Variants in CELF2 observed in about 807,000 individuals in gnomAD.
The protein encoded by CELF2 is CUGBP Elav-like family member 2, also known as CUG triplet repeat RNA-binding protein 2.
CELF2 carries 8 observed loss-of-function variants against 62.6 expected under a neutral mutation model. The ratio of observed to expected loss-of-function variants is 0.13; its 90% CI spans 0.07 to 0.23. CELF2 has a LOEUF of 0.23. Ranked by LOEUF, CELF2 falls within the 10% of genes least tolerant of loss-of-function variation. The pLI is 1.00. For missense variants in CELF2, 333 were observed against 671.0 expected (o/e 0.50, Z 5.56); for synonymous variants, 258 against 250.0 (o/e 1.03, Z -0.30).
intron 2 of CELF2, among the ~76,000 whole-genome samples, chr10:10,953,704 ACC>A (rs2048567216): frequency 6.6e-6 from 1 of 152,134 alleles, no homozygotes; most frequent in African/African-American, 2.4e-5. Context: ...CCTTTTTGAA[ACC>A]ATCAGACAAA....
chr10:10,571,770 G>A, the CELF2 span, among the ~76,000 whole-genome samples: 4,063 of 152,262 alleles, frequency 0.027, 177 homozygotes, highest in African/African-American at 0.093. Flanking sequence ...TGGAGTGACC[G>A]TGGGTCATGA....
Position 11,237,775 on chromosome 10 carries a change from G to A in CELF2, c.355-11378G>A, listed in dbSNP as rs112901996. On this transcript the variant is annotated intron_variant, in intron 3 of 12. Coordinates refer to ENST00000633077, the MANE Select transcript of CELF2 (RefSeq NM_001326342.2). The surrounding 1 kb of genome is among the most constrained non-coding windows in gnomAD (Gnocchi z 4.0). ...CACCGAAGGCTGAGGGAGCACTGAG[G>A]CCCCAGGCAGCGTCACGGCCAGAGA... Among the ~76,000 whole-genome samples, 3 of 152,310 alleles carry A rather than the reference G, an allele frequency of 2.0e-5. No individual in the cohort carries two copies. Among genetic ancestry groups the A allele is most frequent in the African/African-American group, 7.2e-5 (3 of 41,562 alleles).
the CELF2 span, among the ~76,000 whole-genome samples, chr10:10,469,993 C>T: frequency 6.6e-6 from 1 of 151,802 alleles, no homozygotes; most frequent in African/African-American, 2.4e-5. Context: ...TTCTTGAGCA[C>T]CCAACATGAT....
At chr10:10,806,266 G>T (rs1462514068) in intron 1 of CELF2, among the ~76,000 whole-genome samples, 3 of 151,046 alleles carry the variant, frequency 2.0e-5, no homozygotes, top group African/African-American at 7.3e-5. Flanking sequence ...GTGCAGTGGC[G>T]TGATCTTGGT....
chr10:11,124,183 C>A (rs1449143886), intron 1 of CELF2, among the ~76,000 whole-genome samples: 1 of 152,146 alleles, frequency 6.6e-6, no homozygotes, highest in Non-Finnish European at 1.5e-5. Flanking sequence ...GGGATCATTA[C>A]AATTCAAGGT....
chr10:10,690,233 C>T, the CELF2 span, among the ~76,000 whole-genome samples: 1 of 152,204 alleles, frequency 6.6e-6, no homozygotes, highest in Admixed American at 6.5e-5. Context: ...CCCTTTGTGA[C>T]TGGTTCATTA....
At chr10:10,628,690 T>C in the CELF2 span, among the ~76,000 whole-genome samples, 9 of 152,192 alleles carry the variant, frequency 5.9e-5, no homozygotes, top group Non-Finnish European at 1.3e-4. Flanking sequence ...CAGTCTATCA[T>C]TGATGGACAT....
At chr10:10,544,749 G>C in the CELF2 span, among the ~76,000 whole-genome samples, 1 of 152,142 alleles carries the variant, frequency 6.6e-6, no homozygotes, top group Non-Finnish European at 1.5e-5. Context: ...AGATAAGACA[G>C]AATAGCATTT....
intron 1 of CELF2, among the ~76,000 whole-genome samples, chr10:11,022,185 GTTCT>G (rs2058436522): frequency 6.6e-6 from 1 of 152,180 alleles, no homozygotes; most frequent in Non-Finnish European, 1.5e-5. Flanking sequence ...TTTGCGTATG[GTTCT>G]TTAAGGAAAA....
intron 1 of CELF2, among the ~76,000 whole-genome samples, chr10:10,858,479 T>C (rs2059877138): frequency 6.6e-6 from 1 of 152,216 alleles, no homozygotes; most frequent in East Asian, 1.9e-4. Flanking sequence ...ATTTGTAACC[T>C]ACCCATCAGA....
At chr10:10,613,359 A>G in the CELF2 span, among the ~76,000 whole-genome samples, 3 of 152,218 alleles carry the variant, frequency 2.0e-5, no homozygotes, top group Non-Finnish European at 4.4e-5. Context: ...TTTACATTTA[A>G]TATCATACTG....
intron 2 of CELF2, among the ~76,000 whole-genome samples, chr10:11,166,309 C>T (rs1452230862): frequency 6.6e-6 from 1 of 152,138 alleles, no homozygotes; most frequent in South Asian, 2.1e-4. Flanking sequence ...TTGAGGGTTA[C>T]GCCCTTATCA....
At chr10:11,286,519 A>C (rs965342825) in intron 8 of CELF2, among the ~76,000 whole-genome samples, 2 of 152,220 alleles carry the variant, frequency 1.3e-5, no homozygotes, top group African/African-American at 4.8e-5. Context: ...CACTCAAGTC[A>C]AACATGCATT....
chr10:10,568,260 G>C, the CELF2 span, among the ~76,000 whole-genome samples: 1 of 151,860 alleles, frequency 6.6e-6, no homozygotes, highest in African/African-American at 2.4e-5. Flanking sequence ...ATGGGTGTAA[G>C]ATTATTTACA....
At chr10:11,253,880 A>G (rs2137584099) in intron 4 of CELF2, among the ~76,000 whole-genome samples, 1 of 152,324 alleles carries the variant, frequency 6.6e-6, no homozygotes, top group African/African-American at 2.4e-5. Flanking sequence ...AGTGTCCGTC[A>G]TGGAAAATGA....
chr10:10,984,396 A>T (rs986241664), intron 2 of CELF2, among the ~76,000 whole-genome samples: 3 of 152,224 alleles, frequency 2.0e-5, no homozygotes, highest in Non-Finnish European at 2.9e-5. Flanking sequence ...TGGCTTATTT[A>T]ACAATCTACA....
the CELF2 span, among the ~76,000 whole-genome samples, chr10:10,755,315 C>T: frequency 6.6e-6 from 1 of 152,182 alleles, no homozygotes; most frequent in Non-Finnish European, 1.5e-5. Context: ...CTCTTCTTCA[C>T]AGTGCATTAC....
chr10:11,332,092 A>AATG lies in CELF2; in HGVS notation c.*3040_*3041insTGA, dbSNP rs1384765535. The AATG allele has an allele frequency of 2.7e-5, 4 of 149,408 alleles. No homozygotes were observed. Among genetic ancestry groups the AATG allele is most frequent in the Non-Finnish European group, 4.4e-5 (3 of 68,026 alleles). The allele number at this position is 149,408 out of a possible 1,614,324, so 9.3% of individuals were successfully genotyped here. On this transcript the variant is annotated 3_prime_UTR_variant, in exon 13 of 13. Coordinates refer to ENST00000633077, the MANE Select transcript of CELF2 (RefSeq NM_001326342.2). ...TTTGATTATTTCTCATTTTTGGGAAAAGAATTCCTAATGTGCTACTAGAAT... is the reference window on the plus strand; with the variant it reads ...TTTGATTATTTCTCATTTTTGGGAAAATGAGAATTCCTAATGTGCTACTAGAAT...
At chr10:11,323,388 C>G (rs2095546611) in intron 11 of CELF2, among the ~76,000 whole-genome samples, 1 of 148,880 alleles carries the variant, frequency 6.7e-6, no homozygotes, top group South Asian at 2.2e-4. Flanking sequence ...TTAAGTAAAA[C>G]ATAATTTTAA....
Sources: allele counts gnomAD v4.1 joint callset (sites outside exome capture counted in the v4.1 genomes callset), GRCh38; gene constraint gnomAD v4.1.1; non-coding constraint Gnocchi (gnomAD v3.1); transcripts MANE v1.5; gene names NCBI Gene and HGNC (gene_info 2026-07-23, HGNC 2026-07-21).